The following DAB2IP variants were observed in gnomAD, a reference collection of about 807,000 sequenced individuals.
DAB2IP encodes disabled homolog 2-interacting protein.
A neutral mutation model predicts 107.2 loss-of-function variants in DAB2IP; 28 were observed. The ratio of observed to expected loss-of-function variants is 0.26; its 90% CI spans 0.19 to 0.36. The LOEUF (loss-of-function observed/expected upper bound fraction) is 0.36. Ranked by LOEUF, DAB2IP falls within the 10% of genes least tolerant of loss-of-function variation. DAB2IP has a pLI of 1.00. For synonymous variants in DAB2IP, 755 were observed against 706.4 expected (o/e 1.07, Z -1.09); for missense variants, 1,400 against 1,644.7 (o/e 0.85, Z 2.57).
chr9:121,747,099 T>C (rs551044953), intron 3 of DAB2IP, among the ~76,000 whole-genome samples: 40 of 152,208 alleles, frequency 2.6e-4, no homozygotes, highest in South Asian at 8.3e-4. Flanking sequence ...CAGTTGTGGC[T>C]GGGGTTGGAG....
At chr9:121,773,352 A>T in exon 12 of DAB2IP, 1 of 1,382,010 alleles carries the variant, frequency 7.2e-7, no homozygotes, top group South Asian at 1.2e-5. Flanking sequence ...CCTGCTGAGC[A>T]CCCTGCAGTA....
chr9:121,773,538 C>T (rs752045024), intron 12 of DAB2IP, 43 bp downstream of exon 12: 39 of 1,431,770 alleles, frequency 2.7e-5, no homozygotes, highest in Non-Finnish European at 3.5e-5. Flanking sequence ...CACTTGGGCC[C>T]AGCTGGGGCT....
rs553373526 is a variant in DAB2IP at position 121,739,302 on chromosome 9, T to C, written c.363-17711T>C. The stretch of plus-strand genomic sequence containing the variant: ...AGCAGGAAACAGAGACTTTGGTGTG[T>C]GTGGTGGGGGGCGTTGGGTGTTGCT... On this transcript the variant is annotated intron_variant, in intron 3 of 15. Transcript: ENST00000408936. Among the ~76,000 whole-genome samples, 17 of 152,208 alleles carry C rather than the reference T, an allele frequency of 1.1e-4. No homozygotes were observed. In the South Asian group the frequency reaches 2.1e-3, roughly 19 times the overall value.
At chr9:121,756,202 C>CG (rs1833465493) in intron 3 of DAB2IP, among the ~76,000 whole-genome samples, 1 of 152,188 alleles carries the variant, frequency 6.6e-6, no homozygotes, top group Non-Finnish European at 1.5e-5. Context: ...GTGTCATCTG[C>CG]GGTGCTTTCC....
chr9:121,716,235 G>A (rs1321695373), intron 3 of DAB2IP, among the ~76,000 whole-genome samples: 1 of 152,200 alleles, frequency 6.6e-6, no homozygotes, highest in Admixed American at 6.5e-5. Context: ...TATCTTCCTG[G>A]GCTGGATGTA....
chr9:121,653,952 G>T (rs954156817), intron 1 of DAB2IP, among the ~76,000 whole-genome samples: 2 of 152,188 alleles, frequency 1.3e-5, no homozygotes, highest in Non-Finnish European at 2.9e-5. Flanking sequence ...GTGACATTTG[G>T]ATGGGATCTC....
At chr9:121,618,403 C>G (rs1020861477) in intron 1 of DAB2IP, among the ~76,000 whole-genome samples, 4 of 151,868 alleles carry the variant, frequency 2.6e-5, no homozygotes, top group African/African-American at 9.7e-5. Flanking sequence ...CTCTGTTGTC[C>G]AGGCTGGAGT....
At chr9:121,616,439 AGGGGAAGGTGTGGGTGCAGAG>A (rs1831280462) in intron 1 of DAB2IP, among the ~76,000 whole-genome samples, 1 of 152,126 alleles carries the variant, frequency 6.6e-6, no homozygotes, top group Non-Finnish European at 1.5e-5. Flanking sequence ...AACGTTTCTT[AGGGGAAGGTGTGGGTGCAGAG>A]GCAGGGGGAT....
chr9:121,618,608 A>T (rs1001075482), intron 1 of DAB2IP, among the ~76,000 whole-genome samples: 7 of 152,232 alleles, frequency 4.6e-5, no homozygotes, highest in Admixed American at 4.6e-4. Context: ...TGAGCCTCCC[A>T]AAGTGCTAGG....
intron 3 of DAB2IP, among the ~76,000 whole-genome samples, chr9:121,706,245 G>A (rs560927834): frequency 6.6e-6 from 1 of 152,320 alleles, no homozygotes; most frequent in African/African-American, 2.4e-5. Flanking sequence ...GGGCTGAGGT[G>A]GGGCTGCACC....
chr9:121,704,855 G>T (rs1162754533), intron 3 of DAB2IP, among the ~76,000 whole-genome samples: 2 of 152,222 alleles, frequency 1.3e-5, no homozygotes, highest in African/African-American at 4.8e-5. Context: ...GAAAACTGAG[G>T]CACACAGTCA....
intron 3 of DAB2IP, among the ~76,000 whole-genome samples, chr9:121,742,549 C>T (rs1026721971): frequency 6.6e-6 from 1 of 152,242 alleles, no homozygotes; most frequent in Non-Finnish European, 1.5e-5. Flanking sequence ...AGTCCAGTCT[C>T]TCTTCCCTTC....
At chr9:121,765,246 A>G (rs1834197869) in intron 8 of DAB2IP, among the ~76,000 whole-genome samples, 1 of 152,084 alleles carries the variant, frequency 6.6e-6, no homozygotes, top group Non-Finnish European at 1.5e-5. Flanking sequence ...CTCAGGGAAA[A>G]CATATTTGTG....
intron 2 of DAB2IP, among the ~76,000 whole-genome samples, chr9:121,685,283 G>A (rs1828814144): frequency 1.3e-5 from 2 of 152,234 alleles, no homozygotes; most frequent in Admixed American, 6.5e-5. Context: ...TGCAGAGGGA[G>A]TGTTGGAAGG....
At chr9:121,785,004 T>A (rs1835913120) in exon 16 of DAB2IP, 1 of 152,710 alleles carries the variant, frequency 6.5e-6, no homozygotes, top group South Asian at 2.1e-4. Context: ...CGGGGCCCCC[T>A]GGTCACCGAG....
intron 1 of DAB2IP, among the ~76,000 whole-genome samples, chr9:121,578,328 T>C (rs1830112452): frequency 6.6e-6 from 1 of 151,920 alleles, no homozygotes; most frequent in African/African-American, 2.4e-5. Context: ...TCTCTCTCTC[T>C]TTCTCCCTCC....
intron 3 of DAB2IP, among the ~76,000 whole-genome samples, chr9:121,706,633 A>G (rs1248086405): frequency 6.6e-6 from 1 of 151,870 alleles, no homozygotes; most frequent in East Asian, 1.9e-4. Flanking sequence ...CTGCCCACCT[A>G]CCTCAAAGGG....
chr9:121,670,378 C>G (rs1833626699), intron 1 of DAB2IP, among the ~76,000 whole-genome samples: 1 of 152,256 alleles, frequency 6.6e-6, no homozygotes, highest in Non-Finnish European at 1.5e-5. Context: ...CCTGCAAGCC[C>G]TCTGGCATGG....
intron 1 of DAB2IP, among the ~76,000 whole-genome samples, chr9:121,641,891 C>CCCTT (rs1491500615): frequency 3.1e-5 from 2 of 65,004 alleles, no homozygotes; most frequent in Non-Finnish European, 5.2e-5. Context: ...CCATTTCTTT[C>CCCTT]CCTTTCTTTC....
Sources: gnomAD v4.1 joint callset for allele counts (sites outside exome capture counted in the v4.1 genomes callset) on GRCh38, gnomAD v4.1.1 for gene constraint, MANE v1.5 for transcripts, NCBI Gene and HGNC (gene_info 2026-07-23, HGNC 2026-07-21) for gene names.